The following EIF2A variants were observed in gnomAD, a reference collection of about 807,000 sequenced individuals.
EIF2A encodes eukaryotic translation initiation factor 2A, also known as 65 kDa eukaryotic translation initiation factor 2A.
A neutral mutation model predicts 75.2 loss-of-function variants in EIF2A; 62 were observed. The ratio of observed to expected loss-of-function variants is 0.82; its 90% CI spans 0.67 to 1.02. The LOEUF (loss-of-function observed/expected upper bound fraction) is 1.02. EIF2A is among the 50% of genes least tolerant of loss of function. The pLI is 0.00. For synonymous variants in EIF2A, 207 were observed against 239.0 expected, an observed-to-expected ratio of 0.87 and a Z score of 1.23; for missense variants, 611 against 677.7, an observed-to-expected ratio of 0.90 and a Z score of 1.09.
intron 12 of EIF2A, among the ~76,000 whole-genome samples, chr3:150,582,166 A>T (rs993340339): frequency 6.6e-6 from 1 of 150,970 alleles, no homozygotes; most frequent in Non-Finnish European, 1.5e-5. Flanking sequence ...ACGCCTGGCT[A>T]ATTTTTATAT....
rs1027063286 is a variant in EIF2A at position 150,585,872 on chromosome 3, C to G, written c.*1961C>G. 3.2e-4 allele frequency among the ~76,000 whole-genome samples: 49 copies of G among 152,170 alleles called. No individual in the cohort carries two copies. The highest frequency in any genetic ancestry group is 1.2e-3 in the African/African-American group (48 of 41,438). ...AGACACCAGAGAGCTTGTTCTGTCTCTTTGGGCCATGTGAAGACATGGTGA... is the reference window on the plus strand; with the variant it reads ...AGACACCAGAGAGCTTGTTCTGTCTGTTTGGGCCATGTGAAGACATGGTGA... On this transcript the variant is annotated 3_prime_UTR_variant, in exon 14 of 14. Coordinates refer to ENST00000460851, the MANE Select transcript of EIF2A (RefSeq NM_032025.5).
intron 3 of EIF2A, chr3:150,558,784 T>C (rs923617289): frequency 1.8e-5 from 3 of 162,676 alleles, no homozygotes; most frequent in Non-Finnish European, 4.0e-5. Context: ...ACTGAGAAAA[T>C]AATTCTCTTT....
At chr3:150,562,826 T>G in intron 4 of EIF2A, 166 bp downstream of exon 4, 2 of 519,368 alleles carry the variant, frequency 3.9e-6, no homozygotes, top group South Asian at 4.5e-5. Flanking sequence ...ACTCTCCAAA[T>G]AAACAATGTA....
chr3:150,568,430 T>C (rs1219289628), intron 9 of EIF2A, 138 bp downstream of exon 9: 1 of 675,106 alleles, frequency 1.5e-6, no homozygotes, highest in Non-Finnish European at 2.3e-6. Context: ...AAAATTTTTC[T>C]TAATTAAGAA....
intron 6 of EIF2A, chr3:150,565,837 C>T (rs1724150370): frequency 7.3e-6 from 1 of 137,110 alleles, no homozygotes; most frequent in African/African-American, 2.8e-5. Context: ...CTGTTGTTGC[C>T]CGGGCTGGAG....
intron 2 of EIF2A, among the ~76,000 whole-genome samples, chr3:150,553,313 A>G (rs1416927239): frequency 8.5e-5 from 11 of 129,332 alleles, no homozygotes; most frequent in Non-Finnish European, 1.4e-4. Context: ...AAAAGATGAG[A>G]CTCCGTCTCA....
intron 1 of EIF2A, among the ~76,000 whole-genome samples, chr3:150,550,987 ATCC>A (rs1723285884): frequency 6.6e-6 from 1 of 152,052 alleles, no homozygotes; most frequent in African/African-American, 2.4e-5. Context: ...CAGCTTCATC[ATCC>A]TCTAGCCACA....
At chr3:150,577,280 C>G (rs1724926841) in intron 11 of EIF2A, among the ~76,000 whole-genome samples, 1 of 152,118 alleles carries the variant, frequency 6.6e-6, no homozygotes, top group Admixed American at 6.6e-5. Context: ...AGGTCCCAAA[C>G]TATGAATTTG....
At chr3:150,566,728 A>G (rs942204076) in intron 6 of EIF2A, 2 of 152,240 alleles carry the variant, frequency 1.3e-5, no homozygotes. Context: ...TTTGTTCCAC[A>G]TTATCCACAA....
Position 150,581,686 on chromosome 3 carries a change from T to C in EIF2A, c.1566T>C (p.Thr522=). Residue 522 remains threonine, a synonymous_variant, in exon 12 of 14, where the codon ACT becomes ACC. Coordinates refer to ENST00000460851, the MANE Select transcript of EIF2A (RefSeq NM_032025.5). ...CCCCACAGAGCACACCACGAAACAC[T>C]GTCTCTCAGTCAATTTCTGGGGACC... ...TPAPQSTPRN[T]VSQSISGDPE... 1.3e-6 allele frequency: 2 copies of C among 1,553,658 alleles called. No individual in the cohort carries two copies. Among genetic ancestry groups the C allele is most frequent in the Non-Finnish European group, 1.7e-6 (2 of 1,147,936 alleles).
intron 11 of EIF2A, among the ~76,000 whole-genome samples, chr3:150,579,702 C>CAAAA (rs66761185): frequency 8.2e-5 from 11 of 134,136 alleles, no homozygotes; most frequent in African/African-American, 2.8e-4. Context: ...ACTCTGTCTC[C>CAAAA]AAAAAAAAAA....
intron 9 of EIF2A, among the ~76,000 whole-genome samples, chr3:150,570,228 T>TA (rs1724430372): frequency 6.6e-6 from 1 of 152,082 alleles, no homozygotes; most frequent in Non-Finnish European, 1.5e-5. Flanking sequence ...AATGGATTAT[T>TA]ACAATGAGAG....
Position 150,565,186 on chromosome 3 carries a change from G to A in EIF2A, c.475+805G>A, listed in dbSNP as rs376311303. On this transcript the variant is annotated intron_variant, in intron 6 of 13. Coordinates refer to ENST00000460851, the MANE Select transcript of EIF2A (RefSeq NM_032025.5). ...CATGTTCATCTGTCCCCTATAAATT[G>A]CAAGTTGGCTCTAGAGTTTCAGCTT... The A allele has an allele frequency of 3.7e-5, 17 of 456,462 alleles. No individual in the cohort carries two copies. In the East Asian group the frequency reaches 6.9e-4, roughly 19 times the overall value. 28.3% of individuals were successfully genotyped at this position (456,462 alleles called of 1,614,324 possible). A position where few individuals can be genotyped will look rare whatever the true frequency, so the allele number is the denominator to read the frequency against.
intron 1 of EIF2A, among the ~76,000 whole-genome samples, chr3:150,551,888 T>G (rs780756317): frequency 1.3e-5 from 2 of 152,218 alleles, no homozygotes; most frequent in Non-Finnish European, 2.9e-5. Context: ...CTTAGTTTGA[T>G]AAATTGTGAA....
At chr3:150,564,661 AT>A (rs1423512788) in intron 6 of EIF2A, 1 of 235,164 alleles carries the variant, frequency 4.3e-6, no homozygotes, top group Non-Finnish European at 8.3e-6. Flanking sequence ...TGTGACACAA[AT>A]TTTTTAGATA....
In EIF2A at chr3:150,585,307, G is replaced by T. The variant is rs1725410607; in HGVS notation, c.*1396G>T. On this transcript the variant is annotated 3_prime_UTR_variant, in exon 14 of 14. Coordinates refer to ENST00000460851, the MANE Select transcript of EIF2A (RefSeq NM_032025.5). ...GGCCAAGGTGGGTGGATCACCTGAG[G>T]TCAGGAGTTCAAGACCAGCCTGATC... 1 of 152,244 alleles carries T rather than the reference G, an allele frequency of 6.6e-6. No homozygotes were observed. The highest frequency in any genetic ancestry group is 6.5e-5 in the Admixed American group (1 of 15,280). 9.4% of individuals were successfully genotyped at this position (152,244 alleles called of 1,614,324 possible). A position where few individuals can be genotyped will look rare whatever the true frequency, so the allele number is the denominator to read the frequency against.
chr3:150,546,904 A>T (rs759109495), intron 1 of EIF2A, 74 bp downstream of exon 1: 34 of 1,593,036 alleles, frequency 2.1e-5, no homozygotes, highest in Non-Finnish European at 2.8e-5. Flanking sequence ...TTTGAGAACT[A>T]CCCGAGGAGC....
Position 150,566,863 on chromosome 3 carries a change from T to C in EIF2A, c.476-830T>C, listed in dbSNP as rs1052035091. On this transcript the variant is annotated intron_variant, in intron 6 of 13. Transcript: ENST00000460851. ...TGATTGTACAGTTTTGAGTATATCA[T>C]AGTTAGAATAGGAATTGGTAACTTT... The C allele has an allele frequency of 5.9e-5, 9 of 152,344 alleles. No individual in the cohort carries two copies. The South Asian group carries it at 8.3e-4, about 14-fold the overall frequency. The allele number at this position is 152,344 out of a possible 1,614,324, so 9.4% of individuals were successfully genotyped here. A position where few individuals can be genotyped will look rare whatever the true frequency, so the allele number is the denominator to read the frequency against.
At chr3:150,583,345 T>C in intron 13 of EIF2A, 80 bp downstream of exon 13, 1 of 1,364,020 alleles carries the variant, frequency 7.3e-7, no homozygotes. Flanking sequence ...TTTAGTCAGG[T>C]AAAAGAGCAC....
Sources: gnomAD v4.1 joint callset for allele counts (sites outside exome capture counted in the v4.1 genomes callset) on GRCh38, gnomAD v4.1.1 for gene constraint, MANE v1.5 for transcripts, NCBI Gene and HGNC (gene_info 2026-07-23, HGNC 2026-07-21) for gene names.